RPH3A: variants seen among roughly 807,000 people sequenced by gnomAD.
The protein encoded by RPH3A is rabphilin 3A.
In RPH3A, 48 loss-of-function variants were observed where a neutral mutation model predicts 102.2. The observed-to-expected ratio is 0.47, with a 90% CI of 0.37 to 0.60. The LOEUF (loss-of-function observed/expected upper bound fraction) is 0.60, where lower values mean the gene tolerates loss of function less well. RPH3A is among the 20% of genes least tolerant of loss of function. The pLI is 0.00. For missense variants in RPH3A, 781 were observed against 910.1 expected (o/e 0.86, Z 1.83); for synonymous variants, 310 against 324.3 (o/e 0.96, Z 0.47).
intron 1 of RPH3A, among the ~76,000 whole-genome samples, chr12:112,725,766 T>TTTG (rs374402903): frequency 0.18 from 26,078 of 148,412 alleles, 2,367 homozygotes; most frequent in African/African-American, 0.22. Context: ...GAGTGTAGTT[T>TTTG]TTGTTGTTGT....
chr12:112,700,224 C>G (rs1012111175), intron 1 of RPH3A, among the ~76,000 whole-genome samples: 2 of 152,154 alleles, frequency 1.3e-5, no homozygotes, highest in Non-Finnish European at 2.9e-5. Flanking sequence ...CATGCACAAC[C>G]ACTCCCAGCT....
At chr12:112,773,082 G>A (rs1396907721) in intron 1 of RPH3A, among the ~76,000 whole-genome samples, 1 of 151,854 alleles carries the variant, frequency 6.6e-6, no homozygotes, top group East Asian at 1.9e-4. Context: ...TTTTATGGCT[G>A]CATAGTATTC....
intron 18 of RPH3A, 102 bp downstream of exon 18, chr12:112,890,182 C>A: frequency 9.9e-7 from 1 of 1,014,664 alleles, no homozygotes; most frequent in Non-Finnish European, 1.5e-6. Context: ...CATCCATTCT[C>A]TTCCAACCAC....
At chr12:112,821,625 G>A (rs1403159538) in intron 2 of RPH3A, among the ~76,000 whole-genome samples, 1 of 152,150 alleles carries the variant, frequency 6.6e-6, no homozygotes, top group Non-Finnish European at 1.5e-5. Flanking sequence ...CTCTCAGTGA[G>A]GCTCCCTCTG....
intron 2 of RPH3A, among the ~76,000 whole-genome samples, chr12:112,825,040 A>C (rs995687352): frequency 2.0e-5 from 3 of 152,120 alleles, no homozygotes; most frequent in Non-Finnish European, 2.9e-5. Flanking sequence ...GCAGCCGAGG[A>C]AGCTCATTCT....
At chr12:112,589,533 C>T (rs1187265331) in intron 1 of RPH3A, among the ~76,000 whole-genome samples, 1 of 152,160 alleles carries the variant, frequency 6.6e-6, no homozygotes, top group Non-Finnish European at 1.5e-5. Flanking sequence ...GCCTGGCTCT[C>T]CCATTTCCTT....
rs58632600 is a variant in RPH3A at position 112,713,005 on chromosome 12, C to T, written c.-139-79138C>T. ...CTTCGTCGTCTTTGTCTTCCTCTTC[C>T]TCTTCCTCTTCCTCTTCCTCTTCTT... is the stretch of plus-strand genomic sequence containing the variant. On this transcript the variant is annotated intron_variant, in intron 1 of 21. Transcript: ENST00000543106. Among the ~76,000 whole-genome samples the T allele has an allele frequency of 5.6e-3, 372 of 66,186 alleles. 14 individuals are homozygous for T. Among genetic ancestry groups the T allele is most frequent in the South Asian group, 0.013 (17 of 1,320 alleles). The allele number at this position is 66,186 out of a possible 152,430, so 43.4% of individuals were successfully genotyped here. A position where few individuals can be genotyped will look rare whatever the true frequency, so the allele number is the denominator to read the frequency against.
intron 5 of RPH3A, among the ~76,000 whole-genome samples, chr12:112,857,541 C>G: frequency 6.6e-6 from 1 of 152,034 alleles, no homozygotes; most frequent in East Asian, 1.9e-4. Flanking sequence ...GGCCATGAGC[C>G]AAAGAATGCA....
At chr12:112,739,914 G>A (rs546701809) in intron 1 of RPH3A, among the ~76,000 whole-genome samples, 15 of 148,414 alleles carry the variant, frequency 1.0e-4, no homozygotes, top group South Asian at 2.2e-4. Flanking sequence ...CTGGCCCCAA[G>A]GCTCTAGGAA....
At chr12:112,724,707 G>A (rs1481374697) in intron 1 of RPH3A, among the ~76,000 whole-genome samples, 3 of 152,214 alleles carry the variant, frequency 2.0e-5, no homozygotes, top group East Asian at 3.9e-4. Context: ...GGTGGCTCAC[G>A]CCTGTAATCC....
chr12:112,841,429 G>T (rs2042142318), intron 4 of RPH3A, among the ~76,000 whole-genome samples: 1 of 152,128 alleles, frequency 6.6e-6, no homozygotes, highest in African/African-American at 2.4e-5. Context: ...CCCTCCTGGA[G>T]TCGGCTTTGC....
chr12:112,712,902 TC>T (rs561462883), intron 1 of RPH3A, among the ~76,000 whole-genome samples: 4 of 132,146 alleles, frequency 3.0e-5, no homozygotes, highest in South Asian at 5.8e-4. Flanking sequence ...TTCTTCTTCT[TC>T]CTCTTCTTCT....
At chr12:112,868,693 A>G (rs1012274392) in intron 8 of RPH3A, 98 bp downstream of exon 8, 10 of 1,354,844 alleles carry the variant, frequency 7.4e-6, no homozygotes, top group Non-Finnish European at 1.0e-5. Context: ...GTTTCCACCC[A>G]GTTGTTGCAT....
Position 112,628,254 on chromosome 12 carries a change from A to G in RPH3A, c.-140+52935A>G, listed in dbSNP as rs562453078. ...TAATAATGAGGGAAGAGTGTTCTGCACAGAGGAACAGCAAGTGCAAAGGCC... is the reference window on the plus strand; with the variant it reads ...TAATAATGAGGGAAGAGTGTTCTGCGCAGAGGAACAGCAAGTGCAAAGGCC... On this transcript the variant is annotated intron_variant, in intron 1 of 21. Coordinates refer to the RPH3A transcript ENST00000543106. 2.0e-5 allele frequency among the ~76,000 whole-genome samples: 3 copies of G among 152,182 alleles called. 1 individual carries two copies. In the South Asian group the frequency reaches 6.2e-4, roughly 32 times the overall value.
chr12:112,618,849 C>G (rs781519949), intron 1 of RPH3A, among the ~76,000 whole-genome samples: 8 of 152,190 alleles, frequency 5.3e-5, no homozygotes, highest in Non-Finnish European at 1.2e-4. Context: ...GCAGTAACTA[C>G]ACGTTTTCCT....
At chr12:112,830,515 C>T (rs2041951535) in intron 3 of RPH3A, among the ~76,000 whole-genome samples, 1 of 152,112 alleles carries the variant, frequency 6.6e-6, no homozygotes, top group African/African-American at 2.4e-5. Flanking sequence ...TTTGTAAGGT[C>T]ACTCACATAT....
chr12:112,779,066 C>A (rs1177963309), intron 1 of RPH3A, among the ~76,000 whole-genome samples: 1 of 152,156 alleles, frequency 6.6e-6, no homozygotes, highest in Non-Finnish European at 1.5e-5. Flanking sequence ...GGAGAATGTG[C>A]TAGTCTGGGT....
chr12:112,733,557 C>G (rs1310408359), intron 1 of RPH3A, among the ~76,000 whole-genome samples: 1 of 152,126 alleles, frequency 6.6e-6, no homozygotes, highest in Non-Finnish European at 1.5e-5. Context: ...AATGAAGAAG[C>G]CTCGAATTGG....
At chr12:112,825,743 C>T (rs2041858480) in intron 2 of RPH3A, among the ~76,000 whole-genome samples, 1 of 152,030 alleles carries the variant, frequency 6.6e-6, no homozygotes, top group Non-Finnish European at 1.5e-5. Flanking sequence ...TTCCGCACGG[C>T]TTACATGTTA....
Sources: gnomAD v4.1 joint callset for allele counts (sites outside exome capture counted in the v4.1 genomes callset) on GRCh38, gnomAD v4.1.1 for gene constraint, MANE v1.5 for transcripts, NCBI Gene and HGNC (gene_info 2026-07-23, HGNC 2026-07-21) for gene names.